The following LONRF2 variants were observed in gnomAD, a reference collection of about 807,000 sequenced individuals.
LONRF2 encodes LON peptidase N-terminal domain and RING finger protein 2.
LONRF2 carries 35 observed loss-of-function variants against 66.6 expected under a neutral mutation model. The observed-to-expected ratio is 0.53, with a 90% confidence interval of 0.40 to 0.70. The LOEUF (loss-of-function observed/expected upper bound fraction) is 0.70, where lower values mean the gene tolerates loss of function less well. LONRF2 is among the 30% of genes least tolerant of loss of function. The pLI is 0.00. For missense variants in LONRF2, 902 were observed against 1,002.1 expected, an observed-to-expected ratio of 0.90 and a Z score of 1.35; for synonymous variants, 417 against 418.1, an observed-to-expected ratio of 1.00 and a Z score of 0.03.
In LONRF2 at chr2:100,316,332, A is replaced by AG. The variant is rs1675506000; in HGVS notation, c.679+5082_679+5083insC. The stretch of plus-strand genomic sequence containing the variant: ...AGACTCCATCTCAAAAAAAAAAAAA[A>AG]AAAAAAGAAAGAAAATTTTCTAATA... On this transcript the variant is annotated intron_variant, in intron 1 of 11. Transcript: ENST00000393437. Among the ~76,000 whole-genome samples, 8 of 126,740 alleles carry AG rather than the reference A, an allele frequency of 6.3e-5. No individual in the cohort carries two copies. The South Asian group carries it at 8.7e-4, about 14-fold the overall frequency. The allele number at this position is 126,740 out of a possible 152,430, so 83.1% of individuals were successfully genotyped here. A position where few individuals can be genotyped will look rare whatever the true frequency, so the allele number is the denominator to read the frequency against.
At chr2:100,307,326 G>A (rs1038012894) in intron 2 of LONRF2, among the ~76,000 whole-genome samples, 13 of 152,164 alleles carry the variant, frequency 8.5e-5, no homozygotes, top group South Asian at 4.1e-4. Context: ...TATGACCACC[G>A]TCTCATACCA....
intron 7 of LONRF2, among the ~76,000 whole-genome samples, chr2:100,297,600 C>T (rs1675097129): frequency 6.6e-6 from 1 of 152,178 alleles, no homozygotes; most frequent in Admixed American, 6.5e-5. Flanking sequence ...CTGGCCCAGG[C>T]AGGCACCAAA....
At chr2:100,289,711 C>T (rs1164926896) in intron 10 of LONRF2, among the ~76,000 whole-genome samples, 1 of 152,150 alleles carries the variant, frequency 6.6e-6, no homozygotes, top group Non-Finnish European at 1.5e-5. Flanking sequence ...GCTGGGATTA[C>T]AGGCGTGAGC....
chr2:100,297,251 C>T (rs1559177701), intron 7 of LONRF2, among the ~76,000 whole-genome samples: 3 of 152,104 alleles, frequency 2.0e-5, no homozygotes. Flanking sequence ...GTCTCAGCCT[C>T]CCGAGCAGCT....
At chr2:100,287,111 A>C (rs771217377) in intron 10 of LONRF2, 48 bp from the exon 11 acceptor site, 43 of 1,564,976 alleles carry the variant, frequency 2.7e-5, no homozygotes, top group Non-Finnish European at 3.6e-5. Flanking sequence ...ACAGTAATGC[A>C]CGTAACACAG....
rs1000686373 is a variant in LONRF2 at position 100,282,957 on chromosome 2, A to T, written c.*1341T>A. 3 of 152,348 alleles carry T rather than the reference A, an allele frequency of 2.0e-5. No homozygotes were observed. Among genetic ancestry groups the T allele is most frequent in the East Asian group, 1.9e-4 (1 of 5,188 alleles). 9.4% of individuals were successfully genotyped at this position (152,348 alleles called of 1,614,324 possible). ...ACATTGTATATTATGAGATATATATATTTTAAAACTAAAAAATCACCTTCA... is the reference window on the plus strand; with the variant it reads ...ACATTGTATATTATGAGATATATATTTTTTAAAACTAAAAAATCACCTTCA... On this transcript the variant is annotated 3_prime_UTR_variant, in exon 12 of 12. Transcript: ENST00000393437.
In LONRF2 at chr2:100,321,844, C is replaced by T. The variant is rs1009676285; in HGVS notation, c.250G>A (p.Ala84Thr). Reference sequence around the variant, plus strand: ...GGCCGCAGCGCCCCGAGCCGCGCGGCGCCGCGGAACGCGCCCAGGGCTTCG... The same window carrying T: ...GGCCGCAGCGCCCCGAGCCGCGCGGTGCCGCGGAACGCGCCCAGGGCTTCG... ...LPEALGAFRG[A>T]ARLGALRPEE... is the part of the protein sequence containing the mutation. The change falls in exon 1 of 12, where the codon GCC (alanine) becomes ACC (threonine). Residue 84 changes from alanine to threonine, a missense_variant. Ala to Thr is a moderately conservative substitution (Grantham distance 58, BLOSUM62 0). This residue lies in a region of LONRF2 where 585 missense variants were observed against 569.9 expected (regional missense o/e 1.03). Transcript: ENST00000393437. The T allele has an allele frequency of 1.7e-6, 2 of 1,150,750 alleles. No homozygotes were observed. Among genetic ancestry groups the T allele is most frequent in the Non-Finnish European group, 2.1e-6 (2 of 938,932 alleles). The allele number at this position is 1,150,750 out of a possible 1,614,324, so 71.3% of individuals were successfully genotyped here. A position where few individuals can be genotyped will look rare whatever the true frequency, so the allele number is the denominator to read the frequency against.
intron 11 of LONRF2, 104 bp downstream of exon 11, chr2:100,286,810 A>G: frequency 7.3e-7 from 1 of 1,360,600 alleles, no homozygotes; most frequent in African/African-American, 1.5e-5. Flanking sequence ...AAGCAACCAC[A>G]TTGGGGTAAC....
intron 9 of LONRF2, 42 bp from the exon 10 acceptor site, chr2:100,290,462 G>T: frequency 6.4e-7 from 1 of 1,563,136 alleles, no homozygotes. Flanking sequence ...TTTTTAAAAT[G>T]CAGGGGGCCT....
chr2:100,272,563 G>GA lies in LONRF2; in HGVS notation c.*11734dup, dbSNP rs372123917. 5.8e-4 allele frequency among the ~76,000 whole-genome samples: 87 copies of GA among 149,136 alleles called. 2 individuals carry two copies. The highest frequency in any genetic ancestry group is 3.8e-3 in the South Asian group (18 of 4,682). ...ACCAGAGTATGTAGGTTAAAAAAAA[G>GA]AAAAAAAAAGATGGGAAAGGTATCA... On this transcript the variant is annotated 3_prime_UTR_variant, in exon 12 of 12. Transcript: ENST00000393437.
intron 8 of LONRF2, 143 bp from the exon 9 acceptor site, chr2:100,294,530 G>A (rs867181702): frequency 4.6e-6 from 3 of 649,978 alleles, no homozygotes; most frequent in Non-Finnish European, 7.3e-6. Context: ...GGACAAGAAA[G>A]CCAAGGACCA....
chr2:100,321,188 C>A (rs186116369), intron 1 of LONRF2, among the ~76,000 whole-genome samples: 1 of 152,200 alleles, frequency 6.6e-6, no homozygotes, highest in African/African-American at 2.4e-5. Context: ...GGGAAACTTA[C>A]CAGCATCCTG....
chr2:100,286,761 A>C (rs545346087), intron 11 of LONRF2, among the ~76,000 whole-genome samples, 153 bp downstream of exon 11: 171 of 152,358 alleles, frequency 1.1e-3, no homozygotes, highest in African/African-American at 4.0e-3. Context: ...CTACCACAGT[A>C]GGTGCTCCTT....
chr2:100,290,232 A>C (rs961028512), intron 10 of LONRF2, 26 bp downstream of exon 10: 4 of 1,594,608 alleles, frequency 2.5e-6, no homozygotes, highest in Non-Finnish European at 8.6e-7. Context: ...GACTGCTATA[A>C]AATACACCAG....
intron 3 of LONRF2, 111 bp downstream of exon 3, chr2:100,302,810 G>T: frequency 9.1e-7 from 1 of 1,100,328 alleles, no homozygotes; most frequent in Non-Finnish European, 1.2e-6. Context: ...GCATTATCAC[G>T]AACATTCAGA....
chr2:100,301,596 T>A (rs946923997), intron 3 of LONRF2, among the ~76,000 whole-genome samples: 2 of 152,216 alleles, frequency 1.3e-5, no homozygotes, highest in African/African-American at 4.8e-5. Flanking sequence ...GGAGCCACAT[T>A]CCATGTGAAC....
At chr2:100,306,926 T>C (rs1417272794) in intron 2 of LONRF2, among the ~76,000 whole-genome samples, 1 of 25,232 alleles carries the variant, frequency 4.0e-5, no homozygotes, top group Non-Finnish European at 6.4e-5. Context: ...AGTCTCGCTC[T>C]TTTTTTTTTT....
intron 3 of LONRF2, among the ~76,000 whole-genome samples, chr2:100,301,105 G>A (rs1675176833): frequency 6.6e-6 from 1 of 152,198 alleles, no homozygotes. Context: ...GAGAAAGGGA[G>A]TGTAAAGGTT....
At chr2:100,300,299 G>A (rs1559178723) in intron 4 of LONRF2, among the ~76,000 whole-genome samples, 1 of 151,028 alleles carries the variant, frequency 6.6e-6, no homozygotes. Flanking sequence ...TGTGTACAAC[G>A]TGCAGGTTTG....
Sources: gnomAD v4.1 joint callset for allele counts (sites outside exome capture counted in the v4.1 genomes callset) on GRCh38, gnomAD v4.1.1 for gene constraint, gnomAD v4.1.1 regional missense constraint, MANE v1.5 for transcripts, NCBI Gene and HGNC (gene_info 2026-07-23, HGNC 2026-07-21) for gene names.